GRIK5: variants seen among roughly 807,000 people sequenced by gnomAD.
GRIK5 encodes glutamate receptor ionotropic, kainate 5.
In GRIK5, 43 loss-of-function variants were observed where a neutral mutation model predicts 97.4. That is an observed-to-expected ratio of 0.44 (90% confidence interval 0.35 to 0.57). The LOEUF is 0.57. GRIK5 is among the 20% of genes least tolerant of loss of function. The pLI, the probability that GRIK5 is intolerant of heterozygous loss-of-function variation, is 0.01. For synonymous variants in GRIK5, 580 were observed against 583.5 expected (o/e 0.99, Z 0.09); for missense variants, 1,015 against 1,382.0 (o/e 0.73, Z 4.21).
At chr19:42,038,496 A>C (rs890027582) in intron 12 of GRIK5, among the ~76,000 whole-genome samples, 2 of 152,234 alleles carry the variant, frequency 1.3e-5, no homozygotes, top group African/African-American at 4.8e-5. Flanking sequence ...AAACGGGGCT[A>C]ATACCAGTCC....
chr19:42,017,156 G>A (rs1267795016), intron 15 of GRIK5, among the ~76,000 whole-genome samples: 19 of 152,188 alleles, frequency 1.2e-4, no homozygotes, highest in Non-Finnish European at 5.9e-5. Flanking sequence ...CGTTCACAGT[G>A]ACTTGTATTT....
intron 12 of GRIK5, among the ~76,000 whole-genome samples, chr19:42,029,942 C>G (rs2075821186): frequency 6.6e-6 from 1 of 152,160 alleles, no homozygotes; most frequent in African/African-American, 2.4e-5. Flanking sequence ...CTCTGTGGGG[C>G]CCTCCTCTAA....
rs567569371 is a variant in GRIK5 at position 42,021,128 on chromosome 19, C to T, written c.1871+173G>A. Among the ~76,000 whole-genome samples the T allele has an allele frequency of 6.6e-6, 1 of 152,212 alleles. No homozygotes were observed. The highest frequency in any genetic ancestry group is 2.4e-5 in the African/African-American group (1 of 41,444). On this transcript the variant is annotated intron_variant, in intron 15 of 19. Coordinates refer to ENST00000593562, the MANE Select transcript of GRIK5 (RefSeq NM_002088.5). This position sits in a 1 kb window ranked among gnomAD's most constrained non-coding sequence, Gnocchi z 4.2. Reference sequence around the variant, plus strand: ...TGCGGTCTGGCCAAGCTCACATAGCCAGTAAGCGGCAGAGCTGGAGCTCAG... The same window carrying T: ...TGCGGTCTGGCCAAGCTCACATAGCTAGTAAGCGGCAGAGCTGGAGCTCAG...
chr19:42,025,723 C>CT (rs1321726271), intron 12 of GRIK5, among the ~76,000 whole-genome samples: 2 of 152,212 alleles, frequency 1.3e-5, no homozygotes, highest in Non-Finnish European at 2.9e-5. Flanking sequence ...GCCACCATCT[C>CT]TGACTGAATA....
At chr19:42,050,696 A>G (rs2146131844) in intron 11 of GRIK5, among the ~76,000 whole-genome samples, 1 of 151,968 alleles carries the variant, frequency 6.6e-6, no homozygotes, top group Admixed American at 6.5e-5. Context: ...AATAGAGGCA[A>G]CGTGGTGCAA....
At chr19:42,064,150 CAT>C (rs1459207378) in intron 3 of GRIK5, among the ~76,000 whole-genome samples, 1 of 152,180 alleles carries the variant, frequency 6.6e-6, no homozygotes, top group Non-Finnish European at 1.5e-5. Flanking sequence ...TCAACTCAGA[CAT>C]ATATCAGAGT....
intron 15 of GRIK5, among the ~76,000 whole-genome samples, chr19:42,007,252 G>A (rs180977501): frequency 4.6e-5 from 7 of 151,898 alleles, no homozygotes; most frequent in Non-Finnish European, 8.8e-5. Context: ...CCACCATCAC[G>A]CCCGGCTAAT....
intron 11 of GRIK5, among the ~76,000 whole-genome samples, chr19:42,047,668 T>C (rs1469531319): frequency 6.6e-6 from 1 of 151,990 alleles, no homozygotes; most frequent in East Asian, 1.9e-4. Context: ...TAAATACCCA[T>C]ATGGAAAAAA....
At chr19:42,010,452 G>T (rs1484361896) in intron 15 of GRIK5, among the ~76,000 whole-genome samples, 2 of 152,194 alleles carry the variant, frequency 1.3e-5, no homozygotes, top group South Asian at 2.1e-4. Flanking sequence ...TACATTCAGA[G>T]AATCAAAGAT....
chr19:42,001,069 C>T (rs1555870795), intron 19 of GRIK5, among the ~76,000 whole-genome samples: 1 of 152,094 alleles, frequency 6.6e-6, no homozygotes, highest in Non-Finnish European at 1.5e-5. Flanking sequence ...CTAACTCTCA[C>T]ATACCAAGCC....
chr19:42,052,754 G>A (rs1007055847), intron 11 of GRIK5, among the ~76,000 whole-genome samples: 3 of 151,638 alleles, frequency 2.0e-5, no homozygotes, highest in Admixed American at 6.6e-5. Flanking sequence ...CCTCCTGCTC[G>A]CCAGGCCCTG....
chr19:42,025,374 C>T (rs1193436743), intron 12 of GRIK5, among the ~76,000 whole-genome samples: 3 of 152,124 alleles, frequency 2.0e-5, no homozygotes, highest in African/African-American at 7.2e-5. Context: ...CTGCCCTGGT[C>T]GCTCCATGGC....
intron 1 of GRIK5, among the ~76,000 whole-genome samples, chr19:42,066,526 G>A (rs1001220306): frequency 6.6e-6 from 1 of 151,406 alleles, no homozygotes. Flanking sequence ...AAGTGAAAGA[G>A]AGGCTTAGAG....
intron 11 of GRIK5, among the ~76,000 whole-genome samples, chr19:42,048,609 G>A (rs1195122755): frequency 6.6e-6 from 1 of 152,012 alleles, no homozygotes; most frequent in East Asian, 1.9e-4. Context: ...GACAGAGCAA[G>A]ATTCTGTCTC....
Position 41,999,364 on chromosome 19 carries a change from C to T in GRIK5, c.2515-65G>A, listed in dbSNP as rs2075406842. ...GCCTCCCGCCTCCCCCAGCCCCTCT[C>T]CACATCCCACTCCTCCTCCTCCTTT... is the stretch of plus-strand genomic sequence containing the variant. On this transcript the variant is annotated intron_variant, in intron 19 of 19. Coordinates refer to ENST00000593562, the MANE Select transcript of GRIK5 (RefSeq NM_002088.5). This position sits in a 1 kb window ranked among gnomAD's most constrained non-coding sequence, Gnocchi z 5.0. 1 of 1,214,072 alleles carries T rather than the reference C, an allele frequency of 8.2e-7. No homozygotes were observed. Among genetic ancestry groups the T allele is most frequent in the Non-Finnish European group, 1.1e-6 (1 of 891,328 alleles). 75.2% of individuals were successfully genotyped at this position (1,214,072 alleles called of 1,614,324 possible).
At chr19:42,036,664 C>T (rs181059273) in intron 12 of GRIK5, among the ~76,000 whole-genome samples, 10 of 152,158 alleles carry the variant, frequency 6.6e-5, no homozygotes, top group Non-Finnish European at 1.2e-4. Context: ...CGTGTGTGTG[C>T]GTCTTCTATC....
intron 11 of GRIK5, among the ~76,000 whole-genome samples, chr19:42,050,890 A>AG: frequency 1.4e-5 from 2 of 142,270 alleles, no homozygotes; most frequent in South Asian, 5.1e-4. Flanking sequence ...GGAGGGAGGG[A>AG]GGGAGGTGCT....
intron 8 of GRIK5, 66 bp downstream of exon 8, chr19:42,056,596 G>A (rs2146152810): frequency 6.8e-7 from 1 of 1,461,140 alleles, no homozygotes; most frequent in Non-Finnish European, 9.5e-7. Flanking sequence ...AGTGAGGTCT[G>A]AAAGGGGGCC....
rs767224060 is a variant in GRIK5 at position 42,059,497 on chromosome 19, C to G, written c.539G>C (p.Gly180Ala). The G allele has an allele frequency of 5.0e-6, 8 of 1,613,440 alleles. No homozygotes were observed. Among genetic ancestry groups the G allele is most frequent in the South Asian group, 1.1e-5 (1 of 91,068 alleles). The change falls in exon 6 of 20, where the codon GGC (glycine) becomes GCC (alanine). Residue 180 changes from glycine (G) to alanine (A), a missense_variant. Around this residue, in one of 5 missense-constraint regions of GRIK5, gnomAD observed 477 missense variants for 701.1 expected, o/e 0.68. Coordinates refer to ENST00000593562, the MANE Select transcript of GRIK5 (RefSeq NM_002088.5). ...CLLRLEELVR[G>A]FLISKETLSV... ...CAGCGTCTCCTTGGAGATGAGGAAG[C>G]CACGCACCAGTTCCTCCAATCGCAG... is the stretch of plus-strand genomic sequence containing the variant.
Sources: allele counts gnomAD v4.1 joint callset (sites outside exome capture counted in the v4.1 genomes callset), GRCh38; gene constraint gnomAD v4.1.1; regional missense constraint gnomAD v4.1.1; non-coding constraint Gnocchi (gnomAD v3.1); transcripts MANE v1.5; gene names NCBI Gene and HGNC (gene_info 2026-07-23, HGNC 2026-07-21).